Variants in ESYT2 observed in about 807,000 individuals in gnomAD.
ESYT2 encodes the protein extended synaptotagmin-2.
A neutral mutation model predicts 107.2 loss-of-function variants in ESYT2; 54 were observed. That is an observed-to-expected ratio of 0.50 (90% confidence interval 0.40 to 0.63). ESYT2 has a LOEUF of 0.63. ESYT2 is among the 30% of genes least tolerant of loss of function. The pLI is 0.00. For synonymous variants in ESYT2, 491 were observed against 434.1 expected, an observed-to-expected ratio of 1.13 and a Z score of -1.63; for missense variants, 1,020 against 1,094.5, an observed-to-expected ratio of 0.93 and a Z score of 0.96.
At position 158,788,035 on chromosome 7, in the gene ESYT2, C is replaced by T; in HGVS notation, c.716G>A (p.Gly239Glu). The change falls in exon 6 of 23, where the codon GGA becomes GAA. Residue 239 changes from glycine to glutamate, a missense_variant. Transcript: ENST00000275418. ...CCTAAGGAAGAAGATAGACAAAGCT[C>T]CAACTAAGGGCATATCTCCAATCAA... ...EPLIGDMPLV[G>E]ALSIFFLRKP... 1.2e-6 allele frequency: 2 copies of T among 1,613,986 alleles called. No homozygotes were observed. Among genetic ancestry groups the T allele is most frequent in the East Asian group, 2.2e-5 (1 of 44,876 alleles).
chr7:158,771,072 T>C (rs182272412), intron 7 of ESYT2, among the ~76,000 whole-genome samples: 278 of 152,360 alleles, frequency 1.8e-3, no homozygotes, highest in Middle Eastern at 6.8e-3. Flanking sequence ...AGAATGGAGC[T>C]ATACATGTAT....
intron 8 of ESYT2, among the ~76,000 whole-genome samples, chr7:158,766,573 T>G (rs1454610958): frequency 6.6e-6 from 1 of 152,206 alleles, no homozygotes; most frequent in Non-Finnish European, 1.5e-5. Flanking sequence ...ATTGTTACTC[T>G]TAAAAAATAT....
intron 16 of ESYT2, among the ~76,000 whole-genome samples, chr7:158,745,959 C>G (rs957213935): frequency 1.3e-5 from 2 of 151,646 alleles, no homozygotes; most frequent in Admixed American, 6.6e-5. Context: ...GTAAGTGGGA[C>G]TGAAATAATA....
chr7:158,761,375 T>C, intron 11 of ESYT2, 121 bp downstream of exon 11: 1 of 785,498 alleles, frequency 1.3e-6, no homozygotes, highest in Non-Finnish European at 2.2e-6. Flanking sequence ...ATGTTGTTCA[T>C]GCCATACTAA....
chr7:158,814,972 C>G (rs1840109190), intron 1 of ESYT2, among the ~76,000 whole-genome samples: 1 of 152,222 alleles, frequency 6.6e-6, no homozygotes, highest in Non-Finnish European at 1.5e-5. Flanking sequence ...CAAGGGAGTG[C>G]ACAGACCTCA....
At chr7:158,769,881 T>C (rs1283128041) in intron 7 of ESYT2, among the ~76,000 whole-genome samples, 1 of 152,160 alleles carries the variant, frequency 6.6e-6, no homozygotes, top group African/African-American at 2.4e-5. Flanking sequence ...TGGGACAAGA[T>C]TTCATTATGT....
At chr7:158,750,042 G>GA (rs1439014450) in intron 14 of ESYT2, among the ~76,000 whole-genome samples, 5 of 152,168 alleles carry the variant, frequency 3.3e-5, no homozygotes, top group African/African-American at 1.2e-4. Context: ...CAAGGATAAC[G>GA]AAAATGAATA....
chr7:158,779,754 GTC>G (rs1172065272), intron 6 of ESYT2, among the ~76,000 whole-genome samples: 3 of 152,182 alleles, frequency 2.0e-5, no homozygotes, highest in African/African-American at 7.2e-5. Flanking sequence ...TTGCTTCTAA[GTC>G]TCTCTACGTG....
chr7:158,814,836 C>CT (rs1840105122), intron 1 of ESYT2, among the ~76,000 whole-genome samples: 3 of 152,184 alleles, frequency 2.0e-5, no homozygotes, highest in Admixed American at 2.0e-4. Flanking sequence ...CAGACCTTAG[C>CT]TCCTCCTCTG....
chr7:158,755,262 G>A (rs1484519956), intron 13 of ESYT2, among the ~76,000 whole-genome samples: 1 of 152,158 alleles, frequency 6.6e-6, no homozygotes, highest in Non-Finnish European at 1.5e-5. Flanking sequence ...TCAGCCCTCT[G>A]GGGAAAACTG....
chr7:158,810,882 A>G (rs764557089), intron 1 of ESYT2, among the ~76,000 whole-genome samples: 32 of 152,140 alleles, frequency 2.1e-4, no homozygotes, highest in Non-Finnish European at 3.8e-4. Flanking sequence ...AAAAGGATCT[A>G]CTAAGAGATT....
intron 1 of ESYT2, among the ~76,000 whole-genome samples, chr7:158,812,723 A>G (rs1218034405): frequency 6.6e-6 from 1 of 152,226 alleles, no homozygotes; most frequent in Non-Finnish European, 1.5e-5. Context: ...ATGGATAATC[A>G]AACTGTGGTA....
chr7:158,780,497 G>A (rs1177460427), intron 6 of ESYT2, among the ~76,000 whole-genome samples: 1 of 152,206 alleles, frequency 6.6e-6, no homozygotes, highest in African/African-American at 2.4e-5. Context: ...GACTATTTCT[G>A]ACCAATTGTC....
chr7:158,744,482 CT>C (rs1417437855), intron 16 of ESYT2, among the ~76,000 whole-genome samples: 1 of 152,132 alleles, frequency 6.6e-6, no homozygotes, highest in Non-Finnish European at 1.5e-5. Context: ...CCTTTTAAGC[CT>C]TCTCCATTCA....
At chr7:158,773,280 C>T in intron 7 of ESYT2, 61 bp downstream of exon 7, 1 of 1,577,016 alleles carries the variant, frequency 6.3e-7, no homozygotes, top group South Asian at 1.1e-5. Context: ...ATTGTCAAGA[C>T]ATCCAAAATG....
chr7:158,783,683 C>T (rs1040973808), intron 6 of ESYT2, among the ~76,000 whole-genome samples: 2 of 152,132 alleles, frequency 1.3e-5, no homozygotes, highest in African/African-American at 2.4e-5. Flanking sequence ...ACAAGTGAGA[C>T]GACTCCAGCA....
chr7:158,793,582 T>C, intron 4 of ESYT2, 68 bp downstream of exon 4: 1 of 1,175,334 alleles, frequency 8.5e-7, no homozygotes, highest in South Asian at 1.3e-5. Context: ...ATCCTCCACC[T>C]TACAGGTACA....
chr7:158,825,726 T>C (rs1022047530), intron 1 of ESYT2, among the ~76,000 whole-genome samples: 15 of 152,260 alleles, frequency 9.9e-5, no homozygotes, highest in Non-Finnish European at 1.6e-4. Flanking sequence ...CCTTAATTCA[T>C]GTTTTCCTAT....
chr7:158,765,144 A>C (rs535453443), intron 8 of ESYT2, among the ~76,000 whole-genome samples: 85 of 152,160 alleles, frequency 5.6e-4, no homozygotes, highest in African/African-American at 2.0e-3. Flanking sequence ...ACGAGGACAG[A>C]CAGCCCCACG....
Sources: gnomAD v4.1 joint callset for allele counts (sites outside exome capture counted in the v4.1 genomes callset) on GRCh38, gnomAD v4.1.1 for gene constraint, MANE v1.5 for transcripts, NCBI Gene and HGNC (gene_info 2026-07-23, HGNC 2026-07-21) for gene names.